Variants in HIPK2 observed in about 807,000 individuals in gnomAD.
HIPK2 encodes the protein homeodomain interacting protein kinase 2.
A neutral mutation model predicts 113.7 loss-of-function variants in HIPK2; 27 were observed. The ratio of observed to expected loss-of-function variants is 0.24; its 90% CI spans 0.17 to 0.33. HIPK2 has a LOEUF of 0.33. Among genes scored for constraint, HIPK2 ranks in the 10% least tolerant of loss-of-function variants. The probability of loss-of-function intolerance (pLI) is 1.00; values close to 1 mark genes in which losing one functional copy is unlikely to be tolerated. For synonymous variants in HIPK2, 631 were observed against 642.2 expected (o/e 0.98, Z 0.26); for missense variants, 1,257 against 1,588.0 (o/e 0.79, Z 3.54).
chr7:139,760,835 C>T (rs1796450210), intron 1 of HIPK2, among the ~76,000 whole-genome samples: 1 of 152,180 alleles, frequency 6.6e-6, no homozygotes, highest in South Asian at 2.1e-4. Flanking sequence ...TGATTGTACT[C>T]TCTAATACCA....
In HIPK2 at chr7:139,571,112, C is replaced by T. The variant is rs1476587812; in HGVS notation, c.*1815G>A. ...CATAAGTGTCCCTCCAACCTTCTGC[C>T]CACTAGAACCCTCAGAAACCAAAAC... On this transcript the variant is annotated 3_prime_UTR_variant, in exon 15 of 15. Transcript: ENST00000406875. 6.6e-6 allele frequency: 1 copy of T among 152,254 alleles called. No homozygotes were observed. Among genetic ancestry groups the T allele is most frequent in the Non-Finnish European group, 1.5e-5 (1 of 68,070 alleles). 9.4% of individuals were successfully genotyped at this position (152,254 alleles called of 1,614,324 possible). A position where few individuals can be genotyped will look rare whatever the true frequency, so the allele number is the denominator to read the frequency against.
At chr7:139,717,214 A>G (rs532279761) in intron 1 of HIPK2, 199 bp from the exon 2 acceptor site, 1 of 262,538 alleles carries the variant, frequency 3.8e-6, no homozygotes, top group East Asian at 1.8e-4. Context: ...AAGTGGTTCC[A>G]GGGTGCCACT....
At chr7:139,658,113 C>T (rs557900391) in intron 2 of HIPK2, among the ~76,000 whole-genome samples, 2 of 152,274 alleles carry the variant, frequency 1.3e-5, no homozygotes, top group East Asian at 3.9e-4. Context: ...CTAGACCAGC[C>T]TGAGCAACAT....
At position 139,767,042 on chromosome 7, in the gene HIPK2, A is replaced by G. The variant is rs537756225; in HGVS notation, c.19+10563T>C. ...AGTCACAGCCACAAAAGGCAGTAGA[A>G]TTGCGAAGAATGCTAAGGCCAGGTC... On this transcript the variant is annotated intron_variant, in intron 1 of 14. Transcript: ENST00000406875. 3.9e-5 allele frequency among the ~76,000 whole-genome samples: 6 copies of G among 152,354 alleles called. No homozygotes were observed. The South Asian group carries it at 1.2e-3, about 32-fold the overall frequency.
At chr7:139,642,462 G>A (rs972387247) in intron 2 of HIPK2, among the ~76,000 whole-genome samples, 2 of 152,188 alleles carry the variant, frequency 1.3e-5, no homozygotes, top group Admixed American at 1.3e-4. Context: ...AGCACCTCGG[G>A]GCAGCTGCAT....
intron 5 of HIPK2, among the ~76,000 whole-genome samples, chr7:139,628,267 G>A (rs959897294): frequency 1.3e-5 from 2 of 152,168 alleles, no homozygotes; most frequent in African/African-American, 2.4e-5. Flanking sequence ...ATGAAAGTCT[G>A]TTGTCCTAAG....
At chr7:139,601,809 T>G (rs1799433808) in intron 10 of HIPK2, among the ~76,000 whole-genome samples, 1 of 152,152 alleles carries the variant, frequency 6.6e-6, no homozygotes, top group Non-Finnish European at 1.5e-5. Context: ...CATTTGAATT[T>G]TAGAAAATTA....
chr7:139,642,459 CG>C (rs1272272574), intron 2 of HIPK2, among the ~76,000 whole-genome samples: 1 of 152,168 alleles, frequency 6.6e-6, no homozygotes, highest in Non-Finnish European at 1.5e-5. Flanking sequence ...GAAAGCACCT[CG>C]GGGCAGCTGC....
At chr7:139,666,870 C>A (rs997696229) in intron 2 of HIPK2, among the ~76,000 whole-genome samples, 1 of 152,130 alleles carries the variant, frequency 6.6e-6, no homozygotes, top group Admixed American at 6.5e-5. Flanking sequence ...CTAGACCAGC[C>A]TGGCCAAAAT....
intron 6 of HIPK2, among the ~76,000 whole-genome samples, chr7:139,623,687 A>G (rs1800321573): frequency 6.6e-6 from 1 of 152,152 alleles, no homozygotes; most frequent in South Asian, 2.1e-4. Flanking sequence ...CACTGATAGT[A>G]AGGCACAGAA....
At chr7:139,679,558 C>T (rs1019818104) in intron 2 of HIPK2, among the ~76,000 whole-genome samples, 3 of 152,158 alleles carry the variant, frequency 2.0e-5, no homozygotes, top group Non-Finnish European at 1.5e-5. Flanking sequence ...TGGTGCACTG[C>T]TGGTTATAAA....
chr7:139,720,634 C>T (rs994114372), intron 1 of HIPK2, among the ~76,000 whole-genome samples: 1 of 152,220 alleles, frequency 6.6e-6, no homozygotes, highest in East Asian at 1.9e-4. Context: ...AAGTGAATAT[C>T]CATATTGTTC....
chr7:139,745,410 C>T (rs964541405), intron 1 of HIPK2, among the ~76,000 whole-genome samples: 2 of 152,140 alleles, frequency 1.3e-5, no homozygotes, highest in African/African-American at 4.8e-5. Context: ...ACTATCCTCC[C>T]CCCGAGTCTA....
In HIPK2 at chr7:139,679,854, G is replaced by A. The variant is rs10240493; in HGVS notation, c.1103+36078C>T. Among the ~76,000 whole-genome samples the A allele has an allele frequency of 6.0e-3, 917 of 151,874 alleles. 12 individuals carry two copies. Among genetic ancestry groups the A allele is most frequent in the African/African-American group, 0.021 (871 of 41,372 alleles). ...ACTGGCAAAAGGCTCTGCATGAAAA[G>A]GCATTTGTTTTTTAACCTCTCAGAA... On this transcript the variant is annotated intron_variant, in intron 2 of 14. Coordinates refer to ENST00000406875, the MANE Select transcript of HIPK2 (RefSeq NM_022740.5).
chr7:139,573,397 C>A lies in HIPK2; in HGVS notation c.3127G>T (p.Ala1043Ser). Residue 1043 changes from alanine to serine, a missense_variant and splice_region_variant, in exon 15 of 15, where the codon GCT becomes TCT. By Grantham distance (99) the Ala-to-Ser change is moderately conservative. This residue lies in a region of HIPK2 where 862 missense variants were observed against 1,004.3 expected (regional missense o/e 0.86). Coordinates refer to ENST00000406875, the MANE Select transcript of HIPK2 (RefSeq NM_022740.5). ...CGGTCCGTGGTGATGTGCTGCTGAG[C>A]CTGGGGAGGAGAGGCACCAAGAGAG... Reference protein sequence around the residue: ...QQQQPLNLSQAQQHITTDRTG... With the variant: ...QQQQPLNLSQSQQHITTDRTG... 2 of 1,601,498 alleles carry A rather than the reference C, an allele frequency of 1.2e-6. No individual in the cohort carries two copies. Among genetic ancestry groups the A allele is most frequent in the Non-Finnish European group, 8.5e-7 (1 of 1,179,620 alleles).
rs565588193 is a variant in HIPK2, at chr7:139,673,614, A to C, written c.1104-41889T>G. On this transcript the variant is annotated intron_variant, in intron 2 of 14. Coordinates refer to ENST00000406875, the MANE Select transcript of HIPK2 (RefSeq NM_022740.5). Reference sequence around the variant, plus strand: ...ACTGGGCTGACACCAGGTGCTTACCATTATCATGTAAGTTCTCTAACTGTT... The same window carrying C: ...ACTGGGCTGACACCAGGTGCTTACCCTTATCATGTAAGTTCTCTAACTGTT... Among the ~76,000 whole-genome samples, 4 of 152,276 alleles carry C rather than the reference A, an allele frequency of 2.6e-5. No homozygotes were observed. In the East Asian group the frequency reaches 7.7e-4, roughly 29 times the overall value.
At chr7:139,654,959 A>T (rs2116499706) in intron 2 of HIPK2, among the ~76,000 whole-genome samples, 1 of 152,344 alleles carries the variant, frequency 6.6e-6, no homozygotes, top group African/African-American at 2.4e-5. Context: ...GCCCTTGCCA[A>T]CACACAATCT....
intron 2 of HIPK2, among the ~76,000 whole-genome samples, chr7:139,632,737 CA>C (rs1800660271): frequency 6.6e-6 from 1 of 151,968 alleles, no homozygotes; most frequent in Admixed American, 6.6e-5. Flanking sequence ...TGGACAAAAC[CA>C]GGCTCAAAGT....
intron 2 of HIPK2, among the ~76,000 whole-genome samples, chr7:139,643,381 T>TACACACACAC (rs61058916): frequency 1.7e-3 from 246 of 148,330 alleles, no homozygotes; most frequent in Middle Eastern, 3.4e-3. Context: ...ATGTACTAAA[T>TACACACACAC]ACACACACAC....
Sources: allele counts gnomAD v4.1 joint callset (sites outside exome capture counted in the v4.1 genomes callset), GRCh38; gene constraint gnomAD v4.1.1; regional missense constraint gnomAD v4.1.1; transcripts MANE v1.5; gene names NCBI Gene and HGNC (gene_info 2026-07-23, HGNC 2026-07-21).